The following SF3B2 variants were observed in gnomAD, a reference collection of about 807,000 sequenced individuals.
SF3B2 encodes the protein SAP 145.
In SF3B2, 22 loss-of-function variants were observed where a neutral mutation model predicts 116.3. The observed-to-expected ratio is 0.19, with a 90% CI of 0.14 to 0.27. SF3B2 has a LOEUF of 0.27. Among genes scored for constraint, SF3B2 ranks in the 10% least tolerant of loss-of-function variants. The pLI, the probability that SF3B2 is intolerant of heterozygous loss-of-function variation, is 1.00. For synonymous variants in SF3B2, 406 were observed against 421.6 expected (o/e 0.96, Z 0.45); for missense variants, 767 against 1,151.4 (o/e 0.67, Z 4.83).
In SF3B2 at chr11:66,058,048, T is replaced by C; in HGVS notation, c.778-6T>C. The C allele has an allele frequency of 6.3e-7, 1 of 1,598,646 alleles. No homozygotes were observed. Among genetic ancestry groups the C allele is most frequent in the Non-Finnish European group, 8.5e-7 (1 of 1,173,290 alleles). ...TTTGCCTTCTCTGACTGGGTGTCTCTGGCAGATGGATGACCCCTCTGTGGG... is the reference window on the plus strand; with the variant it reads ...TTTGCCTTCTCTGACTGGGTGTCTCCGGCAGATGGATGACCCCTCTGTGGG... On this transcript the variant is annotated splice_polypyrimidine_tract_variant and splice_region_variant and intron_variant, in intron 7 of 21. Transcript: ENST00000322535.
In SF3B2 at chr11:66,052,695, G is replaced by C. The variant is rs759953623; in HGVS notation, c.156G>C (p.Glu52Asp). The part of the protein sequence containing the change: ...PIQGNREELV[E>D]RLQSYTRQTG... ...CAGGTAATCGCGAGGAGCTGGTGGAGCGGCTGCAGAGCTACACCCGCCAGG... is the reference window on the plus strand; with the variant it reads ...CAGGTAATCGCGAGGAGCTGGTGGACCGGCTGCAGAGCTACACCCGCCAGG... The change falls in exon 2 of 22, where the codon GAG (glutamate) becomes GAC (aspartate). Residue 52 changes from glutamate to aspartate, a missense_variant. Physicochemically the swap from Glu to Asp is conservative, Grantham distance 45. Coordinates refer to ENST00000322535, the MANE Select transcript of SF3B2 (RefSeq NM_006842.3). 1.3e-6 allele frequency: 2 copies of C among 1,589,456 alleles called. No individual in the cohort carries two copies. The highest frequency in any genetic ancestry group is 1.7e-6 in the Non-Finnish European group (2 of 1,169,660).
chr11:66,055,138 AC>A lies in SF3B2; in HGVS notation c.326del (p.Pro109HisfsTer39). The A allele has an allele frequency of 7.4e-7, 1 of 1,349,802 alleles. No individual in the cohort carries two copies. The allele number at this position is 1,349,802 out of a possible 1,614,324, so 83.6% of individuals were successfully genotyped here. A position where few individuals can be genotyped will look rare whatever the true frequency, so the allele number is the denominator to read the frequency against. On this transcript the variant is annotated frameshift_variant, in exon 4 of 22. Coordinates refer to ENST00000322535, the MANE Select transcript of SF3B2 (RefSeq NM_006842.3). LOFTEE classifies it high-confidence loss of function. The part of the protein sequence containing the change: ...GLPPLQPPPP[P>X]PPPPPGLGLG... ...TCCCCCCTCTGCAGCCTCCTCCGCC[AC>A]CCCCACCACCTCCACCAGGCCTTGG...
intron 7 of SF3B2, 79 bp from the exon 8 acceptor site, chr11:66,057,975 A>G: frequency 9.2e-7 from 1 of 1,087,460 alleles, no homozygotes; most frequent in Non-Finnish European, 1.3e-6. Flanking sequence ...TCCGTCTCAA[A>G]AAAAAAAAAA....
At chr11:66,052,624 G>T in intron 1 of SF3B2, 49 bp from the exon 2 acceptor site, 1 of 1,595,334 alleles carries the variant, frequency 6.3e-7, no homozygotes, top group South Asian at 1.1e-5. Flanking sequence ...GCTGGGGCCT[G>T]ACCTGGCCGG....
chr11:66,063,563 C>T (rs1209640542), intron 18 of SF3B2, 21 bp downstream of exon 18: 1 of 1,611,658 alleles, frequency 6.2e-7, no homozygotes, highest in African/African-American at 1.3e-5. Flanking sequence ...CAGAGAATGC[C>T]TCTTGGAAGT....
intron 16 of SF3B2, 87 bp from the exon 17 acceptor site, chr11:66,062,922 C>G (rs1857121982): frequency 1.3e-6 from 1 of 779,952 alleles, no homozygotes; most frequent in Non-Finnish European, 2.0e-6. Context: ...AGTATCAGCT[C>G]TGTACTTTTG....
chr11:66,060,464 T>A (rs1437474439), intron 13 of SF3B2, 118 bp from the exon 14 acceptor site: 1 of 1,214,936 alleles, frequency 8.2e-7, no homozygotes, highest in African/African-American at 1.5e-5. Context: ...AGGATTTTGA[T>A]GACTTTCAGG....
intron 4 of SF3B2, 35 bp downstream of exon 4, chr11:66,055,350 TAGGTCCCTGA>T: frequency 6.2e-7 from 1 of 1,600,546 alleles, no homozygotes; most frequent in Non-Finnish European, 8.5e-7. Flanking sequence ...TTGGACTCAT[TAGGTCCCTGA>T]AGGGGCAGTG....
rs931398127 is a variant in SF3B2 at position 66,052,896 on chromosome 11, G to GTCC, written c.181-128_181-126dup. ...GTTGTAATTTCTTGTATCCATCTTG[G>GTCC]TCCTCTTCAGTGCCCAGCCAGAGCG... On this transcript the variant is annotated intron_variant, in intron 2 of 21. Transcript: ENST00000322535. The GTCC allele has an allele frequency of 3.3e-6, 4 of 1,217,526 alleles. No homozygotes were observed. The African/African-American group carries it at 4.5e-5, about 14-fold the overall frequency. 75.4% of individuals were successfully genotyped at this position (1,217,526 alleles called of 1,614,324 possible). A position where few individuals can be genotyped will look rare whatever the true frequency, so the allele number is the denominator to read the frequency against.
Position 66,060,742 on chromosome 11 carries a change from G to C in SF3B2, c.1779+11G>C, listed in dbSNP as rs781092824. On this transcript the variant is annotated intron_variant, in intron 14 of 21. Transcript: ENST00000322535. ...GACCTGTACTATGAGGTTCGGGAGG[G>C]GGCTGGGAGAGGTCAGGCTGGGCCT... 95 of 1,613,776 alleles carry C rather than the reference G, an allele frequency of 5.9e-5. No homozygotes were observed. The highest frequency in any genetic ancestry group is 7.8e-5 in the Non-Finnish European group (92 of 1,179,814).
chr11:66,059,725 G>A lies in SF3B2; in HGVS notation c.1402-57G>A. On this transcript the variant is annotated intron_variant, in intron 12 of 21. Transcript: ENST00000322535. The surrounding 1 kb of genome is among the most constrained non-coding windows in gnomAD (Gnocchi z 5.0). ...GGTTTGGGTCCTTTGAGGAAGAAGAGCTTCAGAACTGAGAAGTCGGGGCTC... is the reference window on the plus strand; with the variant it reads ...GGTTTGGGTCCTTTGAGGAAGAAGAACTTCAGAACTGAGAAGTCGGGGCTC... 3 of 1,603,748 alleles carry A rather than the reference G, an allele frequency of 1.9e-6. No individual in the cohort carries two copies. Among genetic ancestry groups the A allele is most frequent in the Non-Finnish European group, 2.6e-6 (3 of 1,170,856 alleles).
chr11:66,061,526 G>GT (rs575883070), intron 14 of SF3B2, among the ~76,000 whole-genome samples, 160 bp from the exon 15 acceptor site: 1 of 152,260 alleles, frequency 6.6e-6, no homozygotes, highest in South Asian at 2.1e-4. Context: ...GTCTGGCCTG[G>GT]TTTTTATTCC....
Position 66,059,089 on chromosome 11 carries a change from A to G in SF3B2, c.1182+44A>G, listed in dbSNP as rs751746330. On this transcript the variant is annotated intron_variant, in intron 10 of 21. Transcript: ENST00000322535. This position sits in a 1 kb window ranked among gnomAD's most constrained non-coding sequence, Gnocchi z 5.0. ...AGGAAGGGGCAGTGCCAAACAGGGAAGGGGCTCAGAGGTGGGTGAGAGGCA... is the reference window on the plus strand; with the variant it reads ...AGGAAGGGGCAGTGCCAAACAGGGAGGGGGCTCAGAGGTGGGTGAGAGGCA... 1.9e-6 allele frequency: 3 copies of G among 1,607,914 alleles called. No individual in the cohort carries two copies. The South Asian group carries it at 3.3e-5, about 18-fold the overall frequency.
At chr11:66,056,705 A>G (rs1431751716) in intron 5 of SF3B2, 133 bp from the exon 6 acceptor site, 3 of 656,420 alleles carry the variant, frequency 4.6e-6, no homozygotes, top group African/African-American at 1.8e-5. Context: ...GTGGGGGTGG[A>G]GGGGATGTCA....
chr11:66,067,712 C>T, intron 19 of SF3B2: 2 of 533,152 alleles, frequency 3.8e-6, no homozygotes, highest in East Asian at 6.8e-5. Flanking sequence ...TCTGTGATCC[C>T]TTGACTTGAT....
Position 66,068,779 on chromosome 11 carries a change from G to C in SF3B2, c.*34G>C. 3 of 1,551,670 alleles carry C rather than the reference G, an allele frequency of 1.9e-6. No individual in the cohort carries two copies. Among genetic ancestry groups the C allele is most frequent in the Non-Finnish European group, 1.8e-6 (2 of 1,124,916 alleles). On this transcript the variant is annotated 3_prime_UTR_variant, in exon 22 of 22. Coordinates refer to ENST00000322535, the MANE Select transcript of SF3B2 (RefSeq NM_006842.3). ...ACACTAGCCCTTTTTTTGGCCCTAC[G>C]TCTGGATGCCTGGGCTTCACACAAG...
intron 21 of SF3B2, 147 bp from the exon 22 acceptor site, chr11:66,068,527 G>C (rs1034709963): frequency 1.2e-6 from 1 of 854,202 alleles, no homozygotes; most frequent in African/African-American, 1.7e-5. Context: ...GAGGAACTCA[G>C]CCAAGTCTGA....
chr11:66,067,771 C>T lies in SF3B2; in HGVS notation c.2331-175C>T, dbSNP rs1857213268. 5 of 598,308 alleles carry T rather than the reference C, an allele frequency of 8.4e-6. No homozygotes were observed. In the Admixed American group the frequency reaches 8.9e-5, roughly 11 times the overall value. The allele number at this position is 598,308 out of a possible 1,614,324, so 37.1% of individuals were successfully genotyped here. A position where few individuals can be genotyped will look rare whatever the true frequency, so the allele number is the denominator to read the frequency against. ...TGTGTTCCCTGGAGTCAGCACTGTG[C>T]CACCCCCCCGCCCAATTCTTTTCTG... On this transcript the variant is annotated intron_variant, in intron 19 of 21. Coordinates refer to ENST00000322535, the MANE Select transcript of SF3B2 (RefSeq NM_006842.3).
Position 66,069,089 on chromosome 11 carries a change from G to A in SF3B2, c.*344G>A, listed in dbSNP as rs1857244260. On this transcript the variant is annotated 3_prime_UTR_variant, in exon 22 of 22. Coordinates refer to ENST00000322535, the MANE Select transcript of SF3B2 (RefSeq NM_006842.3). ...CTGTGTTTCACCACTGCCCTGCTTTGTAGGAAGGCTTGGGGGAAGTACCTC... is the reference window on the plus strand; with the variant it reads ...CTGTGTTTCACCACTGCCCTGCTTTATAGGAAGGCTTGGGGGAAGTACCTC... 2.7e-6 allele frequency: 1 copy of A among 375,090 alleles called. No individual in the cohort carries two copies. Among genetic ancestry groups the A allele is most frequent in the Non-Finnish European group, 5.2e-6 (1 of 193,292 alleles). The allele number at this position is 375,090 out of a possible 1,614,324, so 23.2% of individuals were successfully genotyped here.
Sources: gnomAD v4.1 joint callset for allele counts (sites outside exome capture counted in the v4.1 genomes callset) on GRCh38, gnomAD v4.1.1 for gene constraint, Gnocchi (gnomAD v3.1) non-coding constraint, MANE v1.5 for transcripts, NCBI Gene and HGNC (gene_info 2026-07-23, HGNC 2026-07-21) for gene names.